UNC5C: variants seen among roughly 807,000 people sequenced by gnomAD.
The protein encoded by UNC5C is netrin receptor UNC5C.
In UNC5C, 47 loss-of-function variants were observed where a neutral mutation model predicts 99.8. The observed-to-expected ratio is 0.47, with a 90% CI of 0.37 to 0.60. UNC5C has a LOEUF of 0.60. Among genes scored for constraint, UNC5C ranks in the 20% least tolerant of loss-of-function variants. The pLI, the probability that UNC5C is intolerant of heterozygous loss-of-function variation, is 0.00. For synonymous variants in UNC5C, 487 were observed against 452.2 expected, an observed-to-expected ratio of 1.08 and a Z score of -0.98; for missense variants, 1,062 against 1,165.9, an observed-to-expected ratio of 0.91 and a Z score of 1.30.
At chr4:95,345,742 C>A (rs545810140) in intron 1 of UNC5C, among the ~76,000 whole-genome samples, 1 of 151,982 alleles carries the variant, frequency 6.6e-6, no homozygotes, top group Non-Finnish European at 1.5e-5. Flanking sequence ...AAACAATATG[C>A]TCCTGAACAA....
At chr4:95,416,487 G>A (rs534580405) in intron 1 of UNC5C, among the ~76,000 whole-genome samples, 2 of 152,200 alleles carry the variant, frequency 1.3e-5, no homozygotes, top group South Asian at 2.1e-4. Flanking sequence ...GGGTATGATG[G>A]CACTCCTCTG....
chr4:95,302,009 A>T (rs1317118178), intron 2 of UNC5C, among the ~76,000 whole-genome samples: 1 of 152,214 alleles, frequency 6.6e-6, no homozygotes, highest in African/African-American at 2.4e-5. Context: ...CCACAAAGTA[A>T]TTCCTTTCCC....
chr4:95,188,645 G>A lies in UNC5C; in HGVS notation c.2137-3449C>T, dbSNP rs577379675. Among the ~76,000 whole-genome samples the A allele has an allele frequency of 3.5e-4, 54 of 152,314 alleles. No individual in the cohort carries two copies. In the South Asian group the frequency reaches 0.01, roughly 29 times the overall value. On this transcript the variant is annotated intron_variant, in intron 12 of 15. Coordinates refer to ENST00000453304, the MANE Select transcript of UNC5C (RefSeq NM_003728.4). ...TTGATTTTCTGAATTCTTCGCACAT[G>A]ATCTCATTTTGGTTATTTATATGAT...
chr4:95,513,695 G>A (rs933342206), intron 1 of UNC5C, among the ~76,000 whole-genome samples: 2 of 152,104 alleles, frequency 1.3e-5, no homozygotes, highest in African/African-American at 4.8e-5. Context: ...GGTGAAGGAG[G>A]GGCAGGCATT....
intron 1 of UNC5C, among the ~76,000 whole-genome samples, chr4:95,381,603 T>C (rs964261176): frequency 3.3e-5 from 5 of 152,216 alleles, no homozygotes; most frequent in African/African-American, 1.2e-4. Context: ...TTGGAATATG[T>C]CTAAACTCAG....
At chr4:95,260,191 T>C (rs1740167931) in intron 4 of UNC5C, among the ~76,000 whole-genome samples, 1 of 152,188 alleles carries the variant, frequency 6.6e-6, no homozygotes, top group African/African-American at 2.4e-5. Flanking sequence ...TTGTTTCCAT[T>C]AAAAACTATA....
intron 1 of UNC5C, among the ~76,000 whole-genome samples, chr4:95,348,358 T>A (rs1743854592): frequency 6.6e-6 from 1 of 151,484 alleles, no homozygotes; most frequent in Admixed American, 6.6e-5. Context: ...GTTTGGAGGT[T>A]CCCCAAAAAA....
At chr4:95,536,108 G>A (rs867990880) in intron 1 of UNC5C, among the ~76,000 whole-genome samples, 10 of 139,574 alleles carry the variant, frequency 7.2e-5, no homozygotes, top group African/African-American at 2.4e-4. Context: ...ATGGAGTCTC[G>A]CTCTTGTCAC....
chr4:95,269,652 C>G (rs1429355483), intron 4 of UNC5C, among the ~76,000 whole-genome samples: 2 of 151,840 alleles, frequency 1.3e-5, no homozygotes, highest in African/African-American at 4.8e-5. Flanking sequence ...TTCTAAGCTC[C>G]TAGATCGTGT....
chr4:95,211,383 G>C (rs969487589), intron 10 of UNC5C, among the ~76,000 whole-genome samples: 2 of 152,176 alleles, frequency 1.3e-5, no homozygotes, highest in Non-Finnish European at 2.9e-5. Flanking sequence ...CATTTCCCTA[G>C]ACAGGCCAAA....
Position 95,242,607 on chromosome 4 carries a change from A to T in UNC5C, c.944-14T>A, listed in dbSNP as rs1312739556. 6.4e-7 allele frequency: 1 copy of T among 1,551,048 alleles called. No individual in the cohort carries two copies. The highest frequency in any genetic ancestry group is 8.7e-7 in the Non-Finnish European group (1 of 1,145,476). On this transcript the variant is annotated splice_polypyrimidine_tract_variant and intron_variant, in intron 6 of 15. Transcript: ENST00000453304. ...ACCTGCCATCCACTGCCATGGAAAA[A>T]ATGCAGCAGGAGGTCAGAGGGAGAG...
At chr4:95,457,678 G>A (rs375176915) in intron 1 of UNC5C, among the ~76,000 whole-genome samples, 1 of 152,196 alleles carries the variant, frequency 6.6e-6, no homozygotes, top group South Asian at 2.1e-4. Context: ...ATCTTGGAGA[G>A]AGAGAAAGAG....
chr4:95,496,328 T>A (rs1043510887), intron 1 of UNC5C, among the ~76,000 whole-genome samples: 3 of 151,872 alleles, frequency 2.0e-5, no homozygotes, highest in African/African-American at 7.2e-5. Flanking sequence ...TCAAGAAGAC[T>A]ATATTAGTAT....
intron 6 of UNC5C, among the ~76,000 whole-genome samples, chr4:95,243,628 G>C (rs1739401731): frequency 6.6e-6 from 1 of 152,016 alleles, no homozygotes. Flanking sequence ...AGTCTACATA[G>C]TTTGAGAAAT....
intron 1 of UNC5C, among the ~76,000 whole-genome samples, chr4:95,495,049 A>G (rs1245488633): frequency 6.6e-6 from 1 of 151,562 alleles, no homozygotes; most frequent in East Asian, 1.9e-4. Flanking sequence ...GGCATTTCTA[A>G]TTATTTTAAT....
intron 1 of UNC5C, among the ~76,000 whole-genome samples, chr4:95,480,760 CAT>C (rs1414478451): frequency 1.3e-5 from 2 of 152,066 alleles, no homozygotes; most frequent in East Asian, 1.9e-4. Context: ...AAAAAAACCA[CAT>C]GATTATCTCA....
intron 1 of UNC5C, among the ~76,000 whole-genome samples, chr4:95,500,889 T>C (rs575498008): frequency 6.9e-4 from 105 of 152,252 alleles, no homozygotes; most frequent in African/African-American, 2.3e-3. Flanking sequence ...CGTATATTTT[T>C]TCCCTTGGGC....
intron 1 of UNC5C, among the ~76,000 whole-genome samples, chr4:95,400,398 T>TC (rs1306486055): frequency 7.3e-6 from 1 of 136,826 alleles, no homozygotes; most frequent in Non-Finnish European, 1.6e-5. Context: ...TTTTTTTTTT[T>TC]TTTTTTTTTT....
chr4:95,428,369 A>G (rs1746542469), intron 1 of UNC5C, among the ~76,000 whole-genome samples: 1 of 152,194 alleles, frequency 6.6e-6, no homozygotes. Flanking sequence ...AAATGCTGCC[A>G]ATTAATCTGC....
Sources: allele counts gnomAD v4.1 joint callset (sites outside exome capture counted in the v4.1 genomes callset), GRCh38; gene constraint gnomAD v4.1.1; transcripts MANE v1.5; gene names NCBI Gene and HGNC (gene_info 2026-07-23, HGNC 2026-07-21).